GALNT13: variants seen among roughly 807,000 people sequenced by gnomAD.
GALNT13 encodes the protein UDP-GalNAc:polypeptide N-acetylgalactosaminyltransferase 13.
GALNT13 carries 28 observed loss-of-function variants against 64.2 expected under a neutral mutation model. The ratio of observed to expected loss-of-function variants is 0.44; its 90% CI spans 0.32 to 0.60. GALNT13 has a LOEUF of 0.60. Ranked by LOEUF, GALNT13 falls within the 20% of genes least tolerant of loss-of-function variation. The pLI is 0.05. For missense variants in GALNT13, 577 were observed against 669.8 expected (o/e 0.86, Z 1.53); for synonymous variants, 214 against 224.6 (o/e 0.95, Z 0.42).
intron 3 of GALNT13, among the ~76,000 whole-genome samples, chr2:154,085,641 T>C (rs1701484751): frequency 6.6e-6 from 1 of 152,096 alleles, no homozygotes; most frequent in South Asian, 2.1e-4. Flanking sequence ...GTTTGCTCAT[T>C]GTTCATGCAA....
chr2:153,894,364 G>A (rs1357989780), intron 1 of GALNT13, among the ~76,000 whole-genome samples: 1 of 152,064 alleles, frequency 6.6e-6, no homozygotes, highest in African/African-American at 2.4e-5. Context: ...GTAGAGACTG[G>A]ATATGGAATT....
chr2:153,341,328 A>C, the GALNT13 span, among the ~76,000 whole-genome samples: 1 of 152,320 alleles, frequency 6.6e-6, no homozygotes, highest in African/African-American at 2.4e-5. Flanking sequence ...ACAAATGCCT[A>C]ATATGCCTTA....
chr2:153,897,319 A>G (rs1269807752), intron 1 of GALNT13, among the ~76,000 whole-genome samples: 1 of 152,102 alleles, frequency 6.6e-6, no homozygotes, highest in Non-Finnish European at 1.5e-5. Flanking sequence ...GGTCATTATA[A>G]GAGTTCAGAT....
chr2:154,014,576 T>G (rs1211647150), intron 3 of GALNT13, among the ~76,000 whole-genome samples: 2 of 59,312 alleles, frequency 3.4e-5, no homozygotes, highest in African/African-American at 1.4e-4. Context: ...CTCTTTCCTC[T>G]GTTTTTTTTT....
the GALNT13 span, among the ~76,000 whole-genome samples, chr2:153,451,577 AAGTG>A: frequency 6.6e-6 from 1 of 152,234 alleles, no homozygotes; most frequent in South Asian, 2.1e-4. Flanking sequence ...TAGAAAGAGA[AAGTG>A]AGAGTTAAAT....
the GALNT13 span, among the ~76,000 whole-genome samples, chr2:153,169,265 G>A: frequency 1.3e-5 from 2 of 152,194 alleles, no homozygotes; most frequent in Non-Finnish European, 2.9e-5. Flanking sequence ...GGAGGCTGAG[G>A]AAAACTGGTA....
intron 9 of GALNT13, among the ~76,000 whole-genome samples, chr2:154,308,209 A>G (rs1000944439): frequency 1.2e-4 from 18 of 152,254 alleles, no homozygotes; most frequent in Admixed American, 8.5e-4. Flanking sequence ...TCTGTATTCC[A>G]GTTAAACACA....
At chr2:153,144,473 G>C in the GALNT13 span, among the ~76,000 whole-genome samples, 1 of 151,868 alleles carries the variant, frequency 6.6e-6, no homozygotes, top group Admixed American at 6.6e-5. Context: ...TTTGTCATTA[G>C]GTAAGTGGCT....
chr2:153,603,807 G>T, the GALNT13 span, among the ~76,000 whole-genome samples: 3 of 151,904 alleles, frequency 2.0e-5, no homozygotes, highest in Non-Finnish European at 4.4e-5. Context: ...AGAGCCCAAG[G>T]CTTAGCTGTC....
the GALNT13 span, among the ~76,000 whole-genome samples, chr2:153,364,825 G>T: frequency 2.0e-5 from 3 of 152,112 alleles, no homozygotes; most frequent in African/African-American, 7.2e-5. Context: ...GTAATTTATG[G>T]ATTCAATGCT....
chr2:153,627,274 T>C, the GALNT13 span, among the ~76,000 whole-genome samples: 1 of 152,162 alleles, frequency 6.6e-6, no homozygotes, highest in African/African-American at 2.4e-5. Flanking sequence ...TGTATCTTTC[T>C]ATAAGTGAAA....
chr2:154,025,096 C>T (rs985303308), intron 3 of GALNT13, among the ~76,000 whole-genome samples: 13 of 152,290 alleles, frequency 8.5e-5, no homozygotes, highest in Non-Finnish European at 1.2e-4. Context: ...GTTGTCAGTC[C>T]GCCCCTACTG....
At chr2:154,362,063 T>C (rs969043980) in intron 9 of GALNT13, among the ~76,000 whole-genome samples, 1 of 151,866 alleles carries the variant, frequency 6.6e-6, no homozygotes, top group Non-Finnish European at 1.5e-5. Context: ...ACTTCAGACA[T>C]AGAAGAGTAA....
At chr2:153,459,470 AAACC>A in the GALNT13 span, among the ~76,000 whole-genome samples, 1 of 152,128 alleles carries the variant, frequency 6.6e-6, no homozygotes, top group African/African-American at 2.4e-5. Flanking sequence ...AAAAAAAACA[AAACC>A]AACCAACCAA....
the GALNT13 span, among the ~76,000 whole-genome samples, chr2:153,367,735 G>A: frequency 6.6e-6 from 1 of 151,970 alleles, no homozygotes; most frequent in African/African-American, 2.4e-5. Flanking sequence ...TAAGTTTGTG[G>A]TAATTTTTTT....
chr2:153,999,171 A>T (rs1695726354), intron 3 of GALNT13, among the ~76,000 whole-genome samples: 1 of 152,198 alleles, frequency 6.6e-6, no homozygotes, highest in Non-Finnish European at 1.5e-5. Context: ...TACAGTAAGT[A>T]AAACAGCATG....
the GALNT13 span, among the ~76,000 whole-genome samples, chr2:153,629,196 C>A: frequency 3.4e-5 from 4 of 119,286 alleles, no homozygotes; most frequent in Non-Finnish European, 6.6e-5. Context: ...GGTGATATCC[C>A]CTTTATCATT....
intron 3 of GALNT13, among the ~76,000 whole-genome samples, chr2:154,001,374 G>A (rs1226362933): frequency 6.6e-6 from 1 of 151,420 alleles, no homozygotes; most frequent in African/African-American, 2.4e-5. Context: ...TATCTTTGTG[G>A]TTAAATGATT....
At chr2:153,315,565 G>T in the GALNT13 span, among the ~76,000 whole-genome samples, 1 of 152,062 alleles carries the variant, frequency 6.6e-6, no homozygotes, top group African/African-American at 2.4e-5. Flanking sequence ...AAACTAAAAA[G>T]ATAACTAGGC....
Sources: gnomAD v4.1 joint callset for allele counts (sites outside exome capture counted in the v4.1 genomes callset) on GRCh38, gnomAD v4.1.1 for gene constraint, MANE v1.5 for transcripts, NCBI Gene and HGNC (gene_info 2026-07-23, HGNC 2026-07-21) for gene names.